Variants in MARK1 observed in about 807,000 individuals in gnomAD.
MARK1 encodes the protein serine/threonine-protein kinase MARK1.
A neutral mutation model predicts 96.3 loss-of-function variants in MARK1; 40 were observed. The ratio of observed to expected loss-of-function variants is 0.42; its 90% confidence interval spans 0.32 to 0.54. The LOEUF (loss-of-function observed/expected upper bound fraction) is 0.54. MARK1 is among the 20% of genes least tolerant of loss of function. MARK1 has a pLI of 0.16. For synonymous variants in MARK1, 317 were observed against 341.2 expected (o/e 0.93, Z 0.78); for missense variants, 719 against 984.6 (o/e 0.73, Z 3.61).
intron 6 of MARK1, 135 bp from the exon 7 acceptor site, chr1:220,615,804 G>C: frequency 1.9e-6 from 1 of 540,074 alleles, no homozygotes; most frequent in Non-Finnish European, 3.3e-6. Flanking sequence ...ATAGTTTTCT[G>C]AACTAAAAGC....
chr1:220,544,497 C>T lies in MARK1; in HGVS notation c.51+15624C>T, dbSNP rs79092535. On this transcript the variant is annotated intron_variant, in intron 1 of 17. Transcript: ENST00000366917. ...CTTCTGCCTTTCCACCATGGGATGA[C>T]GCAGGCTGAAGGCCGTCACGAGATG... Among the ~76,000 whole-genome samples, 1,297 of 152,272 alleles carry T rather than the reference C, an allele frequency of 8.5e-3. 17 individuals carry two copies. The highest frequency in any genetic ancestry group is 0.029 in the African/African-American group (1,186 of 41,538).
rs951157763 is a variant in MARK1 at position 220,641,888 on chromosome 1, G to A, written c.1470+5862G>A. 3.3e-5 allele frequency among the ~76,000 whole-genome samples: 5 copies of A among 152,198 alleles called. No homozygotes were observed. The South Asian group carries it at 6.2e-4, about 19-fold the overall frequency. On this transcript the variant is annotated intron_variant, in intron 13 of 17. Transcript: ENST00000366917. ...GTGTGCTGCCTGCCTGGGGCACTAC[G>A]CTTTTCCCACAGATTTTTGCAACTC...
At chr1:220,576,873 A>G (rs1663889496) in intron 1 of MARK1, 1 of 152,224 alleles carries the variant, frequency 6.6e-6, no homozygotes, top group East Asian at 1.9e-4. Flanking sequence ...TGAAGTATAT[A>G]TTGGGTATAT....
intron 1 of MARK1, among the ~76,000 whole-genome samples, chr1:220,536,146 T>C (rs1208838562): frequency 2.6e-5 from 4 of 152,304 alleles, no homozygotes; most frequent in Admixed American, 2.6e-4. Context: ...TTTCTAGCAG[T>C]TCTTTTTTTG....
intron 6 of MARK1, among the ~76,000 whole-genome samples, chr1:220,604,405 C>A (rs1049103763): frequency 1.3e-5 from 2 of 151,840 alleles, no homozygotes; most frequent in Non-Finnish European, 2.9e-5. Context: ...GTCCTGGAAA[C>A]GTAGACTAGA....
At chr1:220,553,831 C>T (rs1251591928) in intron 1 of MARK1, among the ~76,000 whole-genome samples, 1 of 152,174 alleles carries the variant, frequency 6.6e-6, no homozygotes, top group African/African-American at 2.4e-5. Context: ...ACCAGAGGCT[C>T]CATACTGGAT....
At chr1:220,650,566 G>A in intron 13 of MARK1, 54 bp from the exon 14 acceptor site, 1 of 1,160,468 alleles carries the variant, frequency 8.6e-7, no homozygotes, top group Admixed American at 1.8e-5. Context: ...CATTTCTTTG[G>A]CTTTCCACAA....
intron 13 of MARK1, among the ~76,000 whole-genome samples, chr1:220,641,259 A>T (rs1404566016): frequency 6.6e-6 from 1 of 152,208 alleles, no homozygotes. Context: ...CACATGTTAA[A>T]ATTCTAACCC....
rs755284639 is a variant in MARK1 at position 220,652,057 on chromosome 1, G to A, written c.1643G>A (p.Arg548Gln). The change falls in exon 15 of 18, where the codon CGA (arginine) becomes CAA (glutamine). Residue 548 changes from arginine (R) to glutamine (Q), a missense_variant. Coordinates refer to ENST00000366917, the MANE Select transcript of MARK1 (RefSeq NM_018650.5). ...GTGGCCTCTGCTGTCCCCTCAGCAC[G>A]ACCCCGCCACCAGAAGTCCATGTCC... is the stretch of plus-strand genomic sequence containing the variant. ...SSVASAVPSA[R>Q]PRHQKSMSTS... is the part of the protein sequence containing the mutation. The A allele has an allele frequency of 1.8e-5, 29 of 1,613,372 alleles. No homozygotes were observed. The highest frequency in any genetic ancestry group is 1.6e-4 in the Middle Eastern group (1 of 6,084).
At chr1:220,555,507 C>T (rs948309148) in intron 1 of MARK1, among the ~76,000 whole-genome samples, 3 of 151,956 alleles carry the variant, frequency 2.0e-5, no homozygotes, top group Admixed American at 6.6e-5. Context: ...TGAATGGATT[C>T]GTGACGTGTT....
intron 1 of MARK1, among the ~76,000 whole-genome samples, chr1:220,548,002 A>G (rs527926888): frequency 6.6e-6 from 1 of 152,386 alleles, no homozygotes; most frequent in South Asian, 2.1e-4. Context: ...TTGCTGGATT[A>G]AAAACAGCAA....
At chr1:220,619,074 C>G (rs1199909932) in intron 9 of MARK1, among the ~76,000 whole-genome samples, 1 of 152,142 alleles carries the variant, frequency 6.6e-6, no homozygotes, top group African/African-American at 2.4e-5. Context: ...AAACAGAAAC[C>G]TTGTTTTTAG....
chr1:220,645,429 A>G (rs1482581538), intron 13 of MARK1, among the ~76,000 whole-genome samples: 2 of 152,228 alleles, frequency 1.3e-5, no homozygotes, highest in Non-Finnish European at 1.5e-5. Context: ...TAAATCGCCT[A>G]CCAACCAAAA....
Position 220,528,615 on chromosome 1 carries a change from C to A in MARK1, c.-208C>A. The A allele has an allele frequency of 2.0e-6, 1 of 494,732 alleles. No homozygotes were observed. The highest frequency in any genetic ancestry group is 3.6e-5 in the East Asian group (1 of 27,536). The allele number at this position is 494,732 out of a possible 1,614,324, so 30.6% of individuals were successfully genotyped here. A position where few individuals can be genotyped will look rare whatever the true frequency, so the allele number is the denominator to read the frequency against. On this transcript the variant is annotated 5_prime_UTR_variant, in exon 1 of 18. Transcript: ENST00000366917. ...TACTGTCCGCATACCCCGGCGGCGC[C>A]GCCGCGGGAAGCGGCTCCCCCTCCT...
chr1:220,613,351 CA>C, intron 6 of MARK1, among the ~76,000 whole-genome samples: 1 of 152,156 alleles, frequency 6.6e-6, no homozygotes, highest in Non-Finnish European at 1.5e-5. Context: ...ATGCTTAATG[CA>C]GAGGATTCTT....
At chr1:220,535,558 T>C (rs912514671) in intron 1 of MARK1, among the ~76,000 whole-genome samples, 2 of 152,160 alleles carry the variant, frequency 1.3e-5, no homozygotes, top group Non-Finnish European at 2.9e-5. Context: ...TTGGCTGTGC[T>C]TTTGATATCA....
chr1:220,559,128 G>A (rs1169273024), intron 1 of MARK1, among the ~76,000 whole-genome samples: 1 of 152,158 alleles, frequency 6.6e-6, no homozygotes, highest in Non-Finnish European at 1.5e-5. Flanking sequence ...AACCTAAAAA[G>A]CTGGTTCTTT....
Position 220,579,338 on chromosome 1 carries a change from G to T in MARK1, c.52-16G>T. 1.3e-6 allele frequency: 2 copies of T among 1,585,516 alleles called. No individual in the cohort carries two copies. Among genetic ancestry groups the T allele is most frequent in the Non-Finnish European group, 1.7e-6 (2 of 1,155,194 alleles). On this transcript the variant is annotated splice_polypyrimidine_tract_variant and intron_variant, in intron 1 of 17. Transcript: ENST00000366917. ...ATAATTTAATTAACAATGAAATCTT[G>T]TAAACTTTTTCTTAGCATACATCTG...
chr1:220,528,954 C>T (rs1660113585), intron 1 of MARK1, 81 bp downstream of exon 1: 3 of 1,406,390 alleles, frequency 2.1e-6, no homozygotes, highest in African/African-American at 1.5e-5. Flanking sequence ...TTGGGCCGTC[C>T]CCCGTGCCTC....
Sources: allele counts gnomAD v4.1 joint callset (sites outside exome capture counted in the v4.1 genomes callset), GRCh38; gene constraint gnomAD v4.1.1; transcripts MANE v1.5; gene names NCBI Gene and HGNC (gene_info 2026-07-23, HGNC 2026-07-21).